Variants in CPSF4L observed in about 807,000 individuals in gnomAD.
The protein encoded by CPSF4L is putative cleavage and polyadenylation specificity factor subunit 4-like protein.
CPSF4L carries 18 observed loss-of-function variants against 24.0 expected under a neutral mutation model. The observed-to-expected ratio is 0.75, with a 90% confidence interval of 0.52 to 1.11. The LOEUF is 1.11. Among genes scored for constraint, CPSF4L ranks in the 50% least tolerant of loss-of-function variants. The pLI, the probability that CPSF4L is intolerant of heterozygous loss-of-function variation, is 0.00. For synonymous variants in CPSF4L, 72 were observed against 77.2 expected (o/e 0.93, Z 0.35); for missense variants, 211 against 221.8 (o/e 0.95, Z 0.31).
chr17:73,242,485 C>T, the CPSF4L span: 2,164 of 585,092 alleles, frequency 3.7e-3, 41 homozygotes, highest in African/African-American at 0.037. Context: ...CCTAGTTTTC[C>T]ATTTGTCTGT....
downstream of CPSF4L, chr17:73,245,737 G>A (rs547938475): frequency 5.4e-5 from 53 of 984,704 alleles, no homozygotes; most frequent in South Asian, 1.6e-3. Flanking sequence ...GTAAGCCTCC[G>A]AAAAAAAGCT....
At chr17:73,250,091 C>T in intron 5 of CPSF4L, 1 of 584,158 alleles carries the variant, frequency 1.7e-6, no homozygotes, top group Non-Finnish European at 2.8e-6. Context: ...CGTTCACTTA[C>T]AGGATCAAAA....
intron 5 of CPSF4L, among the ~76,000 whole-genome samples, chr17:73,250,782 G>A (rs1290614702): frequency 6.6e-6 from 1 of 152,226 alleles, no homozygotes; most frequent in Non-Finnish European, 1.5e-5. Flanking sequence ...GGAAATGACT[G>A]TTCCTTTTGC....
the CPSF4L span, among the ~76,000 whole-genome samples, chr17:73,242,514 C>T: frequency 6.6e-6 from 1 of 152,044 alleles, no homozygotes; most frequent in East Asian, 1.9e-4. Context: ...TGGAGTTGGA[C>T]ATAATTGAAA....
chr17:73,261,943 GC>G, upstream of CPSF4L: 1 of 705,166 alleles, frequency 1.4e-6, no homozygotes, highest in Non-Finnish European at 2.4e-6. Flanking sequence ...GGTGCCAGTG[GC>G]CAGGTGACTG....
Position 73,258,750 on chromosome 17 carries a change from C to A in CPSF4L, c.155-917G>T, listed in dbSNP as rs554761541. ...TTCATTCCCAGAGTGCCTAACACCC[C>A]CTCTCGTCCTGCCAGGGAGCGGGGC... On this transcript the variant is annotated intron_variant, in intron 2 of 5. Coordinates refer to ENST00000344935, the MANE Select transcript of CPSF4L (RefSeq NM_001129885.1). Among the ~76,000 whole-genome samples the A allele has an allele frequency of 3.3e-5, 5 of 152,328 alleles. No homozygotes were observed. In the South Asian group the frequency reaches 1.0e-3, roughly 32 times the overall value.
chr17:73,248,671 G>A, intron 5 of CPSF4L, 135 bp from the exon 6 acceptor site: 3 of 878,168 alleles, frequency 3.4e-6, no homozygotes, highest in Non-Finnish European at 3.6e-6. Flanking sequence ...TGAAGGTTCT[G>A]TTACTACAAG....
the CPSF4L span, chr17:73,243,220 T>C: frequency 3.1e-5 from 17 of 544,040 alleles, no homozygotes; most frequent in East Asian, 6.5e-4. Context: ...AATGGCACGA[T>C]CTCAGCTCAC....
At chr17:73,244,194 A>T (rs2061903306), downstream of CPSF4L, among the ~76,000 whole-genome samples, 1 of 152,230 alleles carries the variant, frequency 6.6e-6, no homozygotes. Context: ...TCTAGTTAAA[A>T]AGATGAGTGG....
intron 2 of CPSF4L, among the ~76,000 whole-genome samples, chr17:73,260,729 A>T (rs1387719497): frequency 6.6e-6 from 1 of 152,140 alleles, no homozygotes; most frequent in African/African-American, 2.4e-5. Flanking sequence ...ATCACGCCAG[A>T]TCACTCTAGC....
At chr17:73,249,466 C>G (rs567500486) in intron 5 of CPSF4L, among the ~76,000 whole-genome samples, 2 of 152,314 alleles carry the variant, frequency 1.3e-5, no homozygotes. Context: ...TTGGTTTGAA[C>G]TGGCATTCAA....
downstream of CPSF4L, among the ~76,000 whole-genome samples, chr17:73,243,889 T>C (rs1228990381): frequency 6.6e-6 from 1 of 152,190 alleles, no homozygotes; most frequent in East Asian, 1.9e-4. Context: ...ACTGTTACCC[T>C]GCTCCAATGG....
intron 1 of CPSF4L, 116 bp from the exon 2 acceptor site, chr17:73,261,099 G>A (rs2062043245): frequency 2.4e-6 from 2 of 816,854 alleles, no homozygotes; most frequent in Non-Finnish European, 3.9e-6. Flanking sequence ...CTGGCCTATG[G>A]GATCCCAAAT....
At chr17:73,251,557 C>G (rs1452277595) in intron 5 of CPSF4L, among the ~76,000 whole-genome samples, 1 of 152,230 alleles carries the variant, frequency 6.6e-6, no homozygotes, top group East Asian at 1.9e-4. Flanking sequence ...TTATACTCTG[C>G]AGGCTACTGG....
Position 73,252,614 on chromosome 17 carries a change from G to A in CPSF4L, c.497+16C>T. The A allele has an allele frequency of 6.7e-6, 10 of 1,494,868 alleles. No homozygotes were observed. Among genetic ancestry groups the A allele is most frequent in the Non-Finnish European group, 9.1e-6 (10 of 1,095,156 alleles). The allele number at this position is 1,494,868 out of a possible 1,614,324, so 92.6% of individuals were successfully genotyped here. A position where few individuals can be genotyped will look rare whatever the true frequency, so the allele number is the denominator to read the frequency against. Reference sequence around the variant, plus strand: ...AGCACTCTGGTGGGAGTTGGTAACTGAGGGATCATACTTACTGAGCAAATT... The same window carrying A: ...AGCACTCTGGTGGGAGTTGGTAACTAAGGGATCATACTTACTGAGCAAATT... On this transcript the variant is annotated intron_variant, in intron 5 of 5. Coordinates refer to ENST00000344935, the MANE Select transcript of CPSF4L (RefSeq NM_001129885.1).
chr17:73,250,191 A>C, intron 5 of CPSF4L: 2 of 1,517,992 alleles, frequency 1.3e-6, no homozygotes, highest in Non-Finnish European at 1.8e-6. Context: ...CTTGGGAAAC[A>C]GAATCCCATA....
At chr17:73,243,022 C>T in the CPSF4L span, 1 of 1,586,044 alleles carries the variant, frequency 6.3e-7, no homozygotes, top group South Asian at 1.1e-5. Context: ...TTCTATATTT[C>T]TAGCCTAAAT....
At chr17:73,263,092 AG>A (rs1457998889), upstream of CPSF4L, among the ~76,000 whole-genome samples, 2 of 152,260 alleles carry the variant, frequency 1.3e-5, no homozygotes, top group African/African-American at 4.8e-5. Context: ...GGTGGGGCCA[AG>A]GGGGTCCCTG....
rs1229264527 is a variant in CPSF4L, at chr17:73,260,996, G to T, written c.104-13C>A. On this transcript the variant is annotated splice_polypyrimidine_tract_variant and intron_variant, in intron 1 of 5. Coordinates refer to ENST00000344935, the MANE Select transcript of CPSF4L (RefSeq NM_001129885.1). ...GCTGAGGCCGACTCTGGAAGGAGAA[G>T]AGGGAACGGAGAAGGTAGCTTCCCC... 1 of 1,549,136 alleles carries T rather than the reference G, an allele frequency of 6.5e-7. No individual in the cohort carries two copies. Among genetic ancestry groups the T allele is most frequent in the Admixed American group, 2.0e-5 (1 of 50,904 alleles).
Sources: gnomAD v4.1 joint callset for allele counts (sites outside exome capture counted in the v4.1 genomes callset) on GRCh38, gnomAD v4.1.1 for gene constraint, MANE v1.5 for transcripts, NCBI Gene and HGNC (gene_info 2026-07-23, HGNC 2026-07-21) for gene names.